The following CCDC12 variants were observed in gnomAD, a reference collection of about 807,000 sequenced individuals.
CCDC12 encodes coiled-coil domain-containing protein 12.
Under a neutral mutation model 25.7 loss-of-function variants are expected in CCDC12, and 28 were observed. The observed-to-expected ratio is 1.09, with a 90% CI of 0.81 to 1.50. The LOEUF (loss-of-function observed/expected upper bound fraction) is 1.50, where lower values mean the gene tolerates loss of function less well. Ranked by LOEUF, CCDC12 falls within the 40% of genes most tolerant of loss-of-function variation. CCDC12 has a pLI of 0.00. For synonymous variants in CCDC12, 75 were observed against 87.7 expected (o/e 0.86, Z 0.81); for missense variants, 198 against 210.0 (o/e 0.94, Z 0.35).
intron 1 of CCDC12, among the ~76,000 whole-genome samples, chr3:46,956,333 C>T (rs2034287193): frequency 6.6e-6 from 1 of 152,224 alleles, no homozygotes. Context: ...CCCACCTACT[C>T]CTGGGTCACA....
At chr3:46,937,044 GCAT>G (rs1361407790) in intron 2 of CCDC12, among the ~76,000 whole-genome samples, 1 of 152,170 alleles carries the variant, frequency 6.6e-6, no homozygotes, top group African/African-American at 2.4e-5. Flanking sequence ...GGTCAGGGAC[GCAT>G]CAGAGACAAC....
At chr3:46,964,578 T>C (rs1352470792) in intron 1 of CCDC12, among the ~76,000 whole-genome samples, 3 of 152,184 alleles carry the variant, frequency 2.0e-5, no homozygotes, top group Non-Finnish European at 4.4e-5. Context: ...GAAGTAGACA[T>C]GGGAGACTTT....
At chr3:46,942,973 G>T (rs939160883) in intron 1 of CCDC12, among the ~76,000 whole-genome samples, 2 of 152,156 alleles carry the variant, frequency 1.3e-5, no homozygotes, top group Non-Finnish European at 2.9e-5. Context: ...GGGGGAGGGG[G>T]TGACAATGAT....
chr3:46,930,371 G>A (rs888034808), intron 2 of CCDC12, among the ~76,000 whole-genome samples: 2 of 152,232 alleles, frequency 1.3e-5, no homozygotes, highest in African/African-American at 4.8e-5. Flanking sequence ...CTGGTGGCCA[G>A]TCTCTGTGGC....
chr3:46,950,651 G>A (rs549678016), intron 1 of CCDC12, among the ~76,000 whole-genome samples: 90 of 152,112 alleles, frequency 5.9e-4, no homozygotes, highest in Non-Finnish European at 8.4e-4. Flanking sequence ...CATGTGAATG[G>A]AGCACATTAT....
chr3:46,933,692 G>A (rs949395876), intron 2 of CCDC12, among the ~76,000 whole-genome samples: 1 of 152,048 alleles, frequency 6.6e-6, no homozygotes, highest in Non-Finnish European at 1.5e-5. Flanking sequence ...AGAAAAAACT[G>A]GTCTGCCAAA....
At chr3:46,923,529 G>A in intron 4 of CCDC12, 78 bp downstream of exon 4, 1 of 1,493,678 alleles carries the variant, frequency 6.7e-7, no homozygotes, top group Non-Finnish European at 9.2e-7. Context: ...AGGAATGGGG[G>A]GCAGAGGGAG....
At chr3:46,933,160 G>A (rs1347103373) in intron 2 of CCDC12, among the ~76,000 whole-genome samples, 1 of 152,208 alleles carries the variant, frequency 6.6e-6, no homozygotes, top group Non-Finnish European at 1.5e-5. Context: ...CCACAGTGGA[G>A]TTCAGCCTAC....
intron 1 of CCDC12, among the ~76,000 whole-genome samples, chr3:46,946,243 AAAGT>A (rs1481301690): frequency 3.3e-5 from 5 of 152,224 alleles, no homozygotes; most frequent in African/African-American, 4.8e-5. Flanking sequence ...GCACAAAGAT[AAAGT>A]AAGAACCCTA....
chr3:46,958,743 A>G (rs1199320017), intron 1 of CCDC12, among the ~76,000 whole-genome samples: 1 of 152,096 alleles, frequency 6.6e-6, no homozygotes, highest in African/African-American at 2.4e-5. Context: ...TAAGTGTTCT[A>G]TGAGCTTGGT....
intron 3 of CCDC12, among the ~76,000 whole-genome samples, chr3:46,924,713 T>C (rs991732498): frequency 6.6e-6 from 1 of 152,124 alleles, no homozygotes; most frequent in Non-Finnish European, 1.5e-5. Flanking sequence ...CCAGGCGCAG[T>C]GGCACACACC....
At chr3:46,950,362 G>C (rs1474655927) in intron 1 of CCDC12, among the ~76,000 whole-genome samples, 1 of 152,112 alleles carries the variant, frequency 6.6e-6, no homozygotes, top group African/African-American at 2.4e-5. Flanking sequence ...GTCCAGGCTG[G>C]AATGCATGGT....
intron 1 of CCDC12, among the ~76,000 whole-genome samples, chr3:46,971,392 A>G (rs1293146591): frequency 2.6e-5 from 4 of 152,236 alleles, no homozygotes; most frequent in Non-Finnish European, 4.4e-5. Flanking sequence ...CCTGGAATCC[A>G]GGAGACATTA....
intron 5 of CCDC12, chr3:46,922,869 G>A (rs529011424): frequency 6.3e-5 from 11 of 175,598 alleles, no homozygotes; most frequent in South Asian, 4.7e-4. Context: ...CAAGCCTCCC[G>A]GCCCACAGCA....
At chr3:46,936,494 A>G (rs987962122) in intron 2 of CCDC12, among the ~76,000 whole-genome samples, 2 of 152,114 alleles carry the variant, frequency 1.3e-5, no homozygotes, top group African/African-American at 4.8e-5. Flanking sequence ...AGGTGAAGCA[A>G]GTTTTATTTC....
chr3:46,962,511 C>T (rs1018657562), intron 1 of CCDC12, among the ~76,000 whole-genome samples: 1 of 149,658 alleles, frequency 6.7e-6, no homozygotes, highest in Non-Finnish European at 1.5e-5. Context: ...GAGATAGTCA[C>T]ATCACATACA....
upstream of CCDC12, chr3:46,979,603 G>A (rs2035156847): frequency 1.1e-5 from 3 of 282,670 alleles, no homozygotes; most frequent in South Asian, 4.9e-4. Flanking sequence ...CCTTTACATG[G>A]TCCCAGGAGA....
At chr3:46,946,053 T>C (rs531759664) in intron 1 of CCDC12, among the ~76,000 whole-genome samples, 2 of 152,314 alleles carry the variant, frequency 1.3e-5, no homozygotes, top group African/African-American at 4.8e-5. Context: ...TCAATCCACA[T>C]TGCTGTCTGA....
intron 1 of CCDC12, among the ~76,000 whole-genome samples, chr3:46,961,182 T>C (rs892228187): frequency 5.3e-5 from 8 of 151,860 alleles, no homozygotes; most frequent in South Asian, 2.1e-4. Flanking sequence ...TGGAGGTGGG[T>C]TGGAGGTATG....
Sources: gnomAD v4.1 joint callset for allele counts (sites outside exome capture counted in the v4.1 genomes callset) on GRCh38, gnomAD v4.1.1 for gene constraint, MANE v1.5 for transcripts, NCBI Gene and HGNC (gene_info 2026-07-23, HGNC 2026-07-21) for gene names.